EFL1: variants seen among roughly 807,000 people sequenced by gnomAD.
EFL1 encodes the protein elongation factor like GTPase 1.
A neutral mutation model predicts 126.7 loss-of-function variants in EFL1; 76 were observed. That is an observed-to-expected ratio of 0.60 (90% CI 0.50 to 0.73). EFL1 has a LOEUF of 0.73. Among genes scored for constraint, EFL1 ranks in the 30% least tolerant of loss-of-function variants. The pLI, the probability that EFL1 is intolerant of heterozygous loss-of-function variation, is 0.00. For synonymous variants in EFL1, 410 were observed against 448.4 expected (o/e 0.91, Z 1.08); for missense variants, 1,128 against 1,343.2 (o/e 0.84, Z 2.50).
chr15:82,159,589 T>C (rs974702573), intron 16 of EFL1, among the ~76,000 whole-genome samples: 1 of 152,046 alleles, frequency 6.6e-6, no homozygotes, highest in Non-Finnish European at 1.5e-5. Context: ...AAATACTTCA[T>C]GTATAATGTA....
intron 15 of EFL1, among the ~76,000 whole-genome samples, chr15:82,191,106 TCA>T (rs2074355276): frequency 6.6e-6 from 1 of 152,046 alleles, no homozygotes; most frequent in Non-Finnish European, 1.5e-5. Context: ...TAAAGAAAAC[TCA>T]CAGTTTTCTT....
intron 15 of EFL1, among the ~76,000 whole-genome samples, chr15:82,211,060 C>T (rs1275142991): frequency 6.6e-6 from 1 of 151,592 alleles, no homozygotes; most frequent in Non-Finnish European, 1.5e-5. Flanking sequence ...TTATTCTTTC[C>T]ATTTCAAAAC....
At chr15:82,233,203 T>C (rs1185751340) in intron 7 of EFL1, among the ~76,000 whole-genome samples, 3 of 152,216 alleles carry the variant, frequency 2.0e-5, no homozygotes, top group Non-Finnish European at 1.5e-5. Context: ...TTTTATCCCG[T>C]AGTTACTACA....
At chr15:82,213,145 A>T (rs1338895789) in intron 15 of EFL1, among the ~76,000 whole-genome samples, 1 of 152,216 alleles carries the variant, frequency 6.6e-6, no homozygotes, top group African/African-American at 2.4e-5. Context: ...CTCTTATAGG[A>T]AATAAATCTG....
chr15:82,152,033 C>T lies in EFL1; in HGVS notation c.2421G>A (p.Leu807=). 6.2e-7 allele frequency: 1 copy of T among 1,614,140 alleles called. No homozygotes were observed. Among genetic ancestry groups the T allele is most frequent in the Non-Finnish European group, 8.5e-7 (1 of 1,180,040 alleles). ...ATCTTCTCCCTGTTAGGTGTTGCTCCAGTTTTCCTTTGAATTCCCAAATTT... is the reference window on the plus strand; with the variant it reads ...ATCTTCTCCCTGTTAGGTGTTGCTCTAGTTTTCCTTTGAATTCCCAAATTT... ...QEKIWEFKGK[L]EQHLTGRRWR... is the part of the protein sequence containing the mutation. The change falls in exon 18 of 20, where the codon CTG becomes CTA. Residue 807 remains leucine (L), a synonymous_variant. Transcript: ENST00000268206.
At chr15:82,172,421 G>A (rs76366109) in intron 15 of EFL1, among the ~76,000 whole-genome samples, 5,480 of 152,236 alleles carry the variant, frequency 0.036, 153 homozygotes, top group African/African-American at 0.076. Flanking sequence ...GTGAGTGACT[G>A]GTGGGAGCGT....
chr15:82,249,057 T>C (rs546780447), intron 4 of EFL1, among the ~76,000 whole-genome samples: 44 of 152,166 alleles, frequency 2.9e-4, no homozygotes, highest in African/African-American at 1.0e-3. Context: ...AAATTGAAAA[T>C]ATAAAATAAC....
chr15:82,244,812 A>C (rs1289559354), intron 4 of EFL1, among the ~76,000 whole-genome samples: 10 of 152,160 alleles, frequency 6.6e-5, no homozygotes, highest in African/African-American at 9.7e-5. Flanking sequence ...GTAAAACTTC[A>C]TGTAAGGAGT....
chr15:82,135,274 T>C (rs2073708352), intron 19 of EFL1, among the ~76,000 whole-genome samples: 1 of 152,142 alleles, frequency 6.6e-6, no homozygotes, highest in Non-Finnish European at 1.5e-5. Flanking sequence ...AAAAAAAGTA[T>C]TACATGTATA....
At chr15:82,242,295 T>C (rs1477338187) in intron 4 of EFL1, among the ~76,000 whole-genome samples, 1 of 149,608 alleles carries the variant, frequency 6.7e-6, no homozygotes, top group Non-Finnish European at 1.5e-5. Context: ...TAACTCAGTG[T>C]TTATCAACTT....
chr15:82,152,612 A>G (rs1447686133), intron 17 of EFL1, among the ~76,000 whole-genome samples, 189 bp from the exon 18 acceptor site: 1 of 152,008 alleles, frequency 6.6e-6, no homozygotes, highest in Non-Finnish European at 1.5e-5. Flanking sequence ...TGAAAAGACT[A>G]CTTCTAATGG....
At chr15:82,153,877 T>A (rs1287773536) in intron 17 of EFL1, among the ~76,000 whole-genome samples, 2 of 152,186 alleles carry the variant, frequency 1.3e-5, no homozygotes, top group Non-Finnish European at 2.9e-5. Context: ...AAAAGCCACT[T>A]AAAAATCTTA....
At chr15:82,148,521 A>G (rs2073873534) in intron 18 of EFL1, among the ~76,000 whole-genome samples, 1 of 152,228 alleles carries the variant, frequency 6.6e-6, no homozygotes, top group Non-Finnish European at 1.5e-5. Context: ...TACAGAGGAT[A>G]GCAAGAAAAT....
chr15:82,132,802 AG>A (rs2073672524), intron 19 of EFL1, among the ~76,000 whole-genome samples: 1 of 151,226 alleles, frequency 6.6e-6, no homozygotes, highest in Non-Finnish European at 1.5e-5. Context: ...TGGTCATCTG[AG>A]GGGGTTCTTC....
intron 19 of EFL1, among the ~76,000 whole-genome samples, chr15:82,135,903 A>C (rs1476919954): frequency 1.3e-5 from 2 of 152,290 alleles, no homozygotes; most frequent in African/African-American, 4.8e-5. Context: ...AGTGTTGAGA[A>C]AGGCAGCAAG....
At chr15:82,216,741 A>G (rs567427275) in intron 14 of EFL1, among the ~76,000 whole-genome samples, 4 of 152,210 alleles carry the variant, frequency 2.6e-5, no homozygotes, top group Non-Finnish European at 5.9e-5. Context: ...AGAAGAAAAC[A>G]TAAGAGAGTT....
intron 4 of EFL1, among the ~76,000 whole-genome samples, chr15:82,252,046 T>C (rs989249866): frequency 2.0e-5 from 3 of 152,206 alleles, no homozygotes; most frequent in African/African-American, 7.2e-5. Context: ...TGCAATTTGT[T>C]TTCTGTCTCT....
At chr15:82,208,523 T>A (rs1249547236) in intron 15 of EFL1, among the ~76,000 whole-genome samples, 2 of 152,162 alleles carry the variant, frequency 1.3e-5, no homozygotes, top group African/African-American at 4.8e-5. Flanking sequence ...ATTTTAGTAT[T>A]ATGATACCAA....
At chr15:82,255,864 T>C (rs570653612) in intron 3 of EFL1, among the ~76,000 whole-genome samples, 9 of 152,314 alleles carry the variant, frequency 5.9e-5, no homozygotes, top group African/African-American at 2.2e-4. Flanking sequence ...TGCCAGTGGG[T>C]AAGATGTATT....
Sources: gnomAD v4.1 joint callset for allele counts (sites outside exome capture counted in the v4.1 genomes callset) on GRCh38, gnomAD v4.1.1 for gene constraint, MANE v1.5 for transcripts, NCBI Gene and HGNC (gene_info 2026-07-23, HGNC 2026-07-21) for gene names.